The following KCNAB1 variants were observed in gnomAD, a reference collection of about 807,000 sequenced individuals.
KCNAB1 encodes the protein potassium voltage-gated channel subfamily A regulatory beta subunit 1.
In KCNAB1, 35 loss-of-function variants were observed where a neutral mutation model predicts 64.6. The ratio of observed to expected loss-of-function variants is 0.54; its 90% CI spans 0.41 to 0.72. The LOEUF is 0.72. KCNAB1 is among the 30% of genes least tolerant of loss of function. The pLI, the probability that KCNAB1 is intolerant of heterozygous loss-of-function variation, is 0.00. For missense variants in KCNAB1, 401 were observed against 512.9 expected, an observed-to-expected ratio of 0.78 and a Z score of 2.11; for synonymous variants, 177 against 183.8, an observed-to-expected ratio of 0.96 and a Z score of 0.30.
rs78516754 is a variant in KCNAB1, at chr3:156,134,326, G to A, written c.275+13440G>A. ...TTTCTGTATCCTCACCTTGCTGTAAGCTTTTCTTGCTGCTGTCAGGATGCC... is the reference window on the plus strand; with the variant it reads ...TTTCTGTATCCTCACCTTGCTGTAAACTTTTCTTGCTGCTGTCAGGATGCC... On this transcript the variant is annotated intron_variant, in intron 1 of 13. Coordinates refer to ENST00000490337, the MANE Select transcript of KCNAB1 (RefSeq NM_172160.3). Among the ~76,000 whole-genome samples the A allele has an allele frequency of 9.2e-5, 14 of 152,180 alleles. No individual in the cohort carries two copies. The East Asian group carries it at 2.5e-3, about 27-fold the overall frequency.
intron 1 of KCNAB1, among the ~76,000 whole-genome samples, chr3:156,398,541 C>T (rs979062598): frequency 2.1e-5 from 3 of 143,824 alleles, no homozygotes; most frequent in Non-Finnish European, 3.0e-5. Context: ...TGCAGTGAGC[C>T]GAGATCACGC....
At chr3:156,376,601 G>A (rs1164286430) in intron 1 of KCNAB1, among the ~76,000 whole-genome samples, 4 of 152,168 alleles carry the variant, frequency 2.6e-5, no homozygotes, top group Non-Finnish European at 5.9e-5. Flanking sequence ...GGGAAAAGAA[G>A]CTAGATAGTT....
chr3:156,173,920 T>C (rs953909471), intron 1 of KCNAB1, among the ~76,000 whole-genome samples: 11 of 152,202 alleles, frequency 7.2e-5, no homozygotes, highest in Non-Finnish European at 1.0e-4. Context: ...CTTTGCCCAA[T>C]TGATTCAATT....
At chr3:156,280,301 G>A (rs1392083253) in intron 1 of KCNAB1, among the ~76,000 whole-genome samples, 1 of 148,014 alleles carries the variant, frequency 6.8e-6, no homozygotes, top group African/African-American at 2.5e-5. Context: ...TATTTCTGAG[G>A]GCTCTGTTCT....
chr3:156,206,459 G>C (rs372631004), intron 1 of KCNAB1, among the ~76,000 whole-genome samples: 12 of 152,308 alleles, frequency 7.9e-5, no homozygotes, highest in East Asian at 7.7e-4. Context: ...CCTTCCTGAG[G>C]CTATAAACAA....
chr3:156,467,549 A>G (rs1713509332), intron 7 of KCNAB1, among the ~76,000 whole-genome samples: 1 of 152,136 alleles, frequency 6.6e-6, no homozygotes, highest in Admixed American at 6.5e-5. Flanking sequence ...ACAATCTGGT[A>G]CACATCTTCT....
At chr3:156,484,114 T>C (rs1363399872) in intron 8 of KCNAB1, among the ~76,000 whole-genome samples, 1 of 152,158 alleles carries the variant, frequency 6.6e-6, no homozygotes, top group Non-Finnish European at 1.5e-5. Context: ...TTATATGCTA[T>C]GCAGTTTACT....
intron 1 of KCNAB1, among the ~76,000 whole-genome samples, chr3:156,253,829 C>G (rs533348284): frequency 6.6e-6 from 1 of 152,322 alleles, no homozygotes; most frequent in East Asian, 1.9e-4. Context: ...TCTGTTTTAA[C>G]AAGTCTTCTG....
At chr3:156,451,677 G>A (rs1712014972) in intron 2 of KCNAB1, among the ~76,000 whole-genome samples, 1 of 152,046 alleles carries the variant, frequency 6.6e-6, no homozygotes. Flanking sequence ...TATCACTTGT[G>A]CCCAGGCTCT....
At chr3:156,223,820 C>T (rs1382370224) in intron 1 of KCNAB1, among the ~76,000 whole-genome samples, 1 of 152,246 alleles carries the variant, frequency 6.6e-6, no homozygotes, top group Non-Finnish European at 1.5e-5. Flanking sequence ...TCCAAGTCCC[C>T]ACCAGACTCA....
At chr3:156,481,973 A>G (rs1360034838) in intron 8 of KCNAB1, among the ~76,000 whole-genome samples, 2 of 152,136 alleles carry the variant, frequency 1.3e-5, no homozygotes, top group African/African-American at 2.4e-5. Context: ...ATCTCTTCTC[A>G]GAGGTAATCA....
At chr3:156,491,727 C>T (rs1372143305) in intron 8 of KCNAB1, among the ~76,000 whole-genome samples, 1 of 151,748 alleles carries the variant, frequency 6.6e-6, no homozygotes, top group Non-Finnish European at 1.5e-5. Context: ...CTTATATTGC[C>T]TTTATTTGGC....
intron 1 of KCNAB1, among the ~76,000 whole-genome samples, chr3:156,259,833 T>C (rs1021814576): frequency 6.6e-5 from 10 of 152,194 alleles, no homozygotes; most frequent in African/African-American, 2.4e-4. Context: ...CCTTGACTGC[T>C]TTGTCGCCCC....
At chr3:156,302,821 G>T (rs1162056642) in intron 1 of KCNAB1, among the ~76,000 whole-genome samples, 7 of 152,102 alleles carry the variant, frequency 4.6e-5, no homozygotes, top group Non-Finnish European at 1.0e-4. Flanking sequence ...CAGCCACAAA[G>T]ACCAAGCTGT....
intron 1 of KCNAB1, among the ~76,000 whole-genome samples, chr3:156,178,032 C>T (rs1712519597): frequency 6.6e-6 from 1 of 152,096 alleles, no homozygotes; most frequent in Non-Finnish European, 1.5e-5. Flanking sequence ...CACCGCACCC[C>T]GCCCATATCC....
intron 1 of KCNAB1, among the ~76,000 whole-genome samples, chr3:156,386,492 C>T (rs1253468674): frequency 6.6e-6 from 1 of 152,164 alleles, no homozygotes; most frequent in Non-Finnish European, 1.5e-5. Flanking sequence ...ATTCAATTGA[C>T]ACTTCAGTGC....
chr3:156,176,032 C>A (rs1712347090), intron 1 of KCNAB1: 8 of 796,852 alleles, frequency 1.0e-5, no homozygotes, highest in Non-Finnish European at 1.6e-5. Context: ...TATTTTGCTT[C>A]CATCAGGTGA....
intron 1 of KCNAB1, among the ~76,000 whole-genome samples, chr3:156,135,417 C>T (rs995646150): frequency 1.3e-5 from 2 of 152,164 alleles, no homozygotes; most frequent in Non-Finnish European, 2.9e-5. Context: ...GTCCACTAAG[C>T]CCATGCTCCT....
At chr3:156,175,391 C>T (rs113175701) in intron 1 of KCNAB1, among the ~76,000 whole-genome samples, 1,725 of 152,262 alleles carry the variant, frequency 0.011, 14 homozygotes, top group Non-Finnish European at 0.017. Flanking sequence ...GAGGCCGAGG[C>T]GGGTGGATCA....
Sources: allele counts gnomAD v4.1 joint callset (sites outside exome capture counted in the v4.1 genomes callset), GRCh38; gene constraint gnomAD v4.1.1; transcripts MANE v1.5; gene names NCBI Gene and HGNC (gene_info 2026-07-23, HGNC 2026-07-21).